The following MFHAS1 variants were observed in gnomAD, a reference collection of about 807,000 sequenced individuals.
The protein encoded by MFHAS1 is malignant fibrous histiocytoma-amplified sequence 1.
In MFHAS1, 50 loss-of-function variants were observed where a neutral mutation model predicts 70.4. That is an observed-to-expected ratio of 0.71 (90% CI 0.57 to 0.90). The LOEUF is 0.90. Ranked by LOEUF, MFHAS1 falls within the 40% of genes least tolerant of loss-of-function variation. The pLI, the probability that MFHAS1 is intolerant of heterozygous loss-of-function variation, is 0.00. For synonymous variants in MFHAS1, 952 were observed against 620.0 expected, an observed-to-expected ratio of 1.54 and a Z score of -7.96; for missense variants, 1,795 against 1,347.6, an observed-to-expected ratio of 1.33 and a Z score of -5.20.
chr8:8,884,439 C>G (rs1809671036), intron 1 of MFHAS1, among the ~76,000 whole-genome samples: 1 of 152,170 alleles, frequency 6.6e-6, no homozygotes, highest in Non-Finnish European at 1.5e-5. Context: ...ACAACTAGGT[C>G]ATGCTCAAAT....
At chr8:8,887,904 A>C (rs1048322345) in intron 1 of MFHAS1, among the ~76,000 whole-genome samples, 6 of 150,864 alleles carry the variant, frequency 4.0e-5, no homozygotes, top group African/African-American at 1.5e-4. Flanking sequence ...CTAACTCCTC[A>C]AAGTTCTTAG....
At chr8:8,842,893 C>A (rs975275822) in intron 1 of MFHAS1, among the ~76,000 whole-genome samples, 3 of 152,218 alleles carry the variant, frequency 2.0e-5, no homozygotes, top group African/African-American at 7.2e-5. Context: ...CTCACTTGGG[C>A]CTTTGCAATC....
At chr8:8,874,677 T>C (rs1033410289) in intron 1 of MFHAS1, among the ~76,000 whole-genome samples, 1 of 152,068 alleles carries the variant, frequency 6.6e-6, no homozygotes, top group African/African-American at 2.4e-5. Flanking sequence ...ACTATGTGAT[T>C]CCCGCTGTCA....
chr8:8,865,551 C>A (rs2116897388), intron 1 of MFHAS1, among the ~76,000 whole-genome samples: 1 of 152,240 alleles, frequency 6.6e-6, no homozygotes, highest in East Asian at 1.9e-4. Context: ...AGTGGAATCA[C>A]ATAGAAAAGC....
intron 1 of MFHAS1, among the ~76,000 whole-genome samples, chr8:8,861,034 C>A (rs371865848): frequency 6.6e-6 from 1 of 152,154 alleles, no homozygotes; most frequent in Non-Finnish European, 1.5e-5. Flanking sequence ...AAAGTCTACA[C>A]GTGCCTTTTA....
intron 1 of MFHAS1, among the ~76,000 whole-genome samples, chr8:8,801,058 A>T (rs543188787): frequency 4.6e-4 from 70 of 152,222 alleles, no homozygotes; most frequent in African/African-American, 1.7e-3. Context: ...TACTAAAAAT[A>T]TAAAAAATTA....
intron 1 of MFHAS1, among the ~76,000 whole-genome samples, chr8:8,883,076 C>G (rs1215660713): frequency 6.6e-6 from 1 of 152,112 alleles, no homozygotes; most frequent in Non-Finnish European, 1.5e-5. Context: ...TCACTTGGAC[C>G]CAGGAGGTGG....
At chr8:8,797,315 G>T (rs759416458) in intron 2 of MFHAS1, 50 bp downstream of exon 2, 4 of 1,606,402 alleles carry the variant, frequency 2.5e-6, no homozygotes, top group Non-Finnish European at 3.4e-6. Flanking sequence ...TATCTATGGA[G>T]CTGGGATCAG....
At chr8:8,824,060 G>A (rs1157565649) in intron 1 of MFHAS1, among the ~76,000 whole-genome samples, 1 of 150,536 alleles carries the variant, frequency 6.6e-6, no homozygotes, top group Admixed American at 6.6e-5. Context: ...TTCCCCCTAG[G>A]AGCTCAGGCT....
At position 8,785,804 on chromosome 8, in the gene MFHAS1, G is replaced by A. The variant is rs1276111983; in HGVS notation, c.*218C>T. ...TGGAGGATCACAGTTCTGAGGTTCA[G>A]GTTGTAAAACATTTGCTCCATGTTC... On this transcript the variant is annotated 3_prime_UTR_variant, in exon 3 of 3. Coordinates refer to ENST00000276282, the MANE Select transcript of MFHAS1 (RefSeq NM_004225.3). 2 of 524,688 alleles carry A rather than the reference G, an allele frequency of 3.8e-6. No homozygotes were observed. Among genetic ancestry groups the A allele is most frequent in the African/African-American group, 3.8e-5 (2 of 52,140 alleles). The allele number at this position is 524,688 out of a possible 1,614,324, so 32.5% of individuals were successfully genotyped here. A position where few individuals can be genotyped will look rare whatever the true frequency, so the allele number is the denominator to read the frequency against.
intron 1 of MFHAS1, among the ~76,000 whole-genome samples, chr8:8,871,856 T>A (rs1367503902): frequency 6.6e-6 from 1 of 152,208 alleles, no homozygotes; most frequent in Non-Finnish European, 1.5e-5. Flanking sequence ...AAGGCCTCTT[T>A]CTCTAATGCT....
At chr8:8,855,760 A>T (rs1370563279) in intron 1 of MFHAS1, among the ~76,000 whole-genome samples, 1 of 152,136 alleles carries the variant, frequency 6.6e-6, no homozygotes, top group African/African-American at 2.4e-5. Flanking sequence ...GGAGGCTGAG[A>T]CAGGAGAAGC....
At position 8,866,423 on chromosome 8, in the gene MFHAS1, A is replaced by G. The variant is rs182641691; in HGVS notation, c.2998+23638T>C. On this transcript the variant is annotated intron_variant, in intron 1 of 2. Transcript: ENST00000276282. ...AGCCTCTGCCGCCCTGGCTCAAACA[A>G]TCCTCCCACCTCAGCCTCCCCAACG... Among the ~76,000 whole-genome samples the G allele has an allele frequency of 2.0e-3, 310 of 151,952 alleles. 2 individuals carry two copies. Among genetic ancestry groups the G allele is most frequent in the South Asian group, 3.3e-3 (16 of 4,816 alleles).
intron 1 of MFHAS1, among the ~76,000 whole-genome samples, chr8:8,830,967 T>C (rs1277691249): frequency 6.6e-6 from 1 of 152,204 alleles, no homozygotes; most frequent in Non-Finnish European, 1.5e-5. Flanking sequence ...CAGGTTGCTA[T>C]ACCAAAATAC....
At chr8:8,880,095 T>C (rs410487) in intron 1 of MFHAS1, among the ~76,000 whole-genome samples, 125,551 of 152,178 alleles carry the variant, frequency 0.83, 52,631 homozygotes, top group South Asian at 0.92. Context: ...CCAGGAGGCT[T>C]GGATGCCCTC....
Position 8,840,204 on chromosome 8 carries a change from C to T in MFHAS1, c.2999-42713G>A, listed in dbSNP as rs139578348. ...GGGCACAGTGACTCACGCCTGTAAT[C>T]TCAGCACTTTGGGAGGCCGAAGCGG... On this transcript the variant is annotated intron_variant, in intron 1 of 2. Transcript: ENST00000276282. 2.0e-3 allele frequency among the ~76,000 whole-genome samples: 303 copies of T among 152,314 alleles called. 5 individuals carry two copies. The East Asian group carries it at 0.054, about 27-fold the overall frequency.
At chr8:8,834,471 T>G (rs1425988249) in intron 1 of MFHAS1, among the ~76,000 whole-genome samples, 1 of 152,246 alleles carries the variant, frequency 6.6e-6, no homozygotes, top group African/African-American at 2.4e-5. Flanking sequence ...ATTTTCTGTC[T>G]TTTATACTGT....
intron 1 of MFHAS1, among the ~76,000 whole-genome samples, chr8:8,861,318 C>A (rs963882351): frequency 1.3e-5 from 2 of 152,190 alleles, no homozygotes; most frequent in African/African-American, 4.8e-5. Context: ...ACTTATGCCA[C>A]GTGAAATTGC....
At chr8:8,868,884 G>GA (rs1315911179) in intron 1 of MFHAS1, among the ~76,000 whole-genome samples, 7 of 151,408 alleles carry the variant, frequency 4.6e-5, no homozygotes, top group Non-Finnish European at 1.5e-5. Context: ...AAAGGGAGAG[G>GA]AAAAAAAAGA....
Sources: gnomAD v4.1 joint callset for allele counts (sites outside exome capture counted in the v4.1 genomes callset) on GRCh38, gnomAD v4.1.1 for gene constraint, MANE v1.5 for transcripts, NCBI Gene and HGNC (gene_info 2026-07-23, HGNC 2026-07-21) for gene names.